Variants in MAGI1 observed in about 807,000 individuals in gnomAD.
MAGI1 encodes membrane associated guanylate kinase, WW and PDZ domain containing 1.
A neutral mutation model predicts 139.9 loss-of-function variants in MAGI1; 58 were observed. That is an observed-to-expected ratio of 0.41 (90% confidence interval 0.34 to 0.52). The LOEUF (loss-of-function observed/expected upper bound fraction) is 0.52. Among genes scored for constraint, MAGI1 ranks in the 20% least tolerant of loss-of-function variants. MAGI1 has a pLI of 0.12. For missense variants in MAGI1, 1,874 were observed against 1,901.6 expected, an observed-to-expected ratio of 0.99 and a Z score of 0.27; for synonymous variants, 812 against 737.9, an observed-to-expected ratio of 1.10 and a Z score of -1.63.
chr3:65,381,816 G>A (rs1575569966), intron 16 of MAGI1, 61 bp downstream of exon 16: 3 of 1,436,592 alleles, frequency 2.1e-6, no homozygotes, highest in East Asian at 2.3e-5. Flanking sequence ...ACACAGGAAG[G>A]AGGCCTTTTC....
chr3:65,473,698 AAT>A (rs999692759), intron 4 of MAGI1, among the ~76,000 whole-genome samples: 2 of 150,674 alleles, frequency 1.3e-5, no homozygotes, highest in Admixed American at 6.6e-5. Flanking sequence ...GTGAAGATGG[AAT>A]ATTAGCTCTC....
chr3:65,733,025 T>C (rs1358694165), intron 1 of MAGI1, among the ~76,000 whole-genome samples: 1 of 152,134 alleles, frequency 6.6e-6, no homozygotes. Flanking sequence ...CAAGATCACT[T>C]GTTTTTTCTG....
At chr3:65,698,590 A>G (rs1273215942) in intron 1 of MAGI1, among the ~76,000 whole-genome samples, 1 of 152,140 alleles carries the variant, frequency 6.6e-6, no homozygotes, top group Non-Finnish European at 1.5e-5. Context: ...CAACTATCTG[A>G]TCTTTGACAA....
At chr3:65,806,281 T>C (rs924027897) in intron 1 of MAGI1, among the ~76,000 whole-genome samples, 1 of 151,802 alleles carries the variant, frequency 6.6e-6, no homozygotes, top group Non-Finnish European at 1.5e-5. Context: ...ATACAAAAAT[T>C]AGCCGGGCAT....
intron 1 of MAGI1, among the ~76,000 whole-genome samples, chr3:65,633,138 C>T (rs895441334): frequency 2.0e-5 from 3 of 152,122 alleles, no homozygotes; most frequent in African/African-American, 7.2e-5. Context: ...CACATCAAAA[C>T]GTCCTAATGA....
At chr3:65,707,701 A>C (rs2107636416) in intron 1 of MAGI1, among the ~76,000 whole-genome samples, 1 of 151,912 alleles carries the variant, frequency 6.6e-6, no homozygotes, top group Admixed American at 6.5e-5. Context: ...AAAAAAAAAA[A>C]AAAAAAAAAG....
chr3:65,382,313 T>C (rs975765985), intron 15 of MAGI1, among the ~76,000 whole-genome samples: 3 of 152,220 alleles, frequency 2.0e-5, no homozygotes, highest in Non-Finnish European at 2.9e-5. Flanking sequence ...ACTCACTCTC[T>C]TTTTCCCCTT....
chr3:65,630,532 C>T lies in MAGI1; in HGVS notation c.314-8444G>A, dbSNP rs536529874. Reference sequence around the variant, plus strand: ...TATCTATACACCATGGAATACTACTCAGCCATAAAAAGGAACAAAATAATG... The same window carrying T: ...TATCTATACACCATGGAATACTACTTAGCCATAAAAAGGAACAAAATAATG... On this transcript the variant is annotated intron_variant, in intron 1 of 22. Coordinates refer to ENST00000402939, the MANE Select transcript of MAGI1 (RefSeq NM_001033057.2). Among the ~76,000 whole-genome samples the T allele has an allele frequency of 5.3e-5, 8 of 152,236 alleles. No homozygotes were observed. In the South Asian group the frequency reaches 1.7e-3, roughly 32 times the overall value.
intron 1 of MAGI1, among the ~76,000 whole-genome samples, chr3:65,876,535 C>T (rs2060125426): frequency 6.6e-6 from 1 of 151,812 alleles, no homozygotes; most frequent in African/African-American, 2.4e-5. Context: ...ATAGATAATA[C>T]CTAAAATTGA....
intron 2 of MAGI1, among the ~76,000 whole-genome samples, chr3:65,523,246 T>C (rs188979750): frequency 6.6e-6 from 1 of 152,276 alleles, no homozygotes; most frequent in Admixed American, 6.5e-5. Flanking sequence ...CCACCATTTA[T>C]CTCAAGAGTA....
chr3:65,684,528 T>G (rs1449898096), intron 1 of MAGI1, among the ~76,000 whole-genome samples: 1 of 152,104 alleles, frequency 6.6e-6, no homozygotes, highest in East Asian at 1.9e-4. Flanking sequence ...AGGGGAGAGA[T>G]GGGTGTGGCT....
chr3:65,464,918 T>C (rs917598491), intron 5 of MAGI1, among the ~76,000 whole-genome samples: 136 of 150,958 alleles, frequency 9.0e-4, no homozygotes, highest in African/African-American at 3.2e-3. Context: ...TACTGTTGAG[T>C]ATATCTCCTT....
chr3:65,644,376 A>G (rs907333241), intron 1 of MAGI1, among the ~76,000 whole-genome samples: 9 of 151,628 alleles, frequency 5.9e-5, no homozygotes, highest in African/African-American at 1.9e-4. Context: ...AACAATTATG[A>G]ACACACTTGA....
intron 2 of MAGI1, among the ~76,000 whole-genome samples, chr3:65,510,674 CT>C (rs1188906850): frequency 1.2e-5 from 1 of 85,480 alleles, no homozygotes; most frequent in Non-Finnish European, 2.3e-5. Context: ...AAATCTACGT[CT>C]GATTGGTGTA....
At chr3:65,422,680 A>G (rs1439686607) in intron 12 of MAGI1, among the ~76,000 whole-genome samples, 2 of 152,284 alleles carry the variant, frequency 1.3e-5, no homozygotes, top group Non-Finnish European at 2.9e-5. Context: ...AGTACATAAG[A>G]AAGATCACGA....
At chr3:65,913,191 G>T (rs574523363) in intron 1 of MAGI1, among the ~76,000 whole-genome samples, 2 of 152,132 alleles carry the variant, frequency 1.3e-5, no homozygotes, top group Non-Finnish European at 2.9e-5. Flanking sequence ...TTGAACCCAG[G>T]AGGCAGAGGT....
intron 1 of MAGI1, among the ~76,000 whole-genome samples, chr3:65,968,990 A>G (rs2064890216): frequency 6.6e-6 from 1 of 152,232 alleles, no homozygotes; most frequent in East Asian, 1.9e-4. Flanking sequence ...ATGGGATACA[A>G]TCAAAAGAAG....
intron 2 of MAGI1, among the ~76,000 whole-genome samples, chr3:65,598,615 T>G (rs1220228770): frequency 1.3e-5 from 2 of 152,230 alleles, no homozygotes; most frequent in Non-Finnish European, 2.9e-5. Flanking sequence ...GGATCCACTT[T>G]CAAGGAATTG....
intron 1 of MAGI1, among the ~76,000 whole-genome samples, chr3:65,960,661 C>G (rs1404833219): frequency 1.3e-5 from 2 of 152,160 alleles, no homozygotes; most frequent in Non-Finnish European, 2.9e-5. Context: ...GTCACCCAAG[C>G]TTGAAGCCAA....
Sources: allele counts gnomAD v4.1 joint callset (sites outside exome capture counted in the v4.1 genomes callset), GRCh38; gene constraint gnomAD v4.1.1; transcripts MANE v1.5; gene names NCBI Gene and HGNC (gene_info 2026-07-23, HGNC 2026-07-21).